PCDH15: variants seen among roughly 807,000 people sequenced by gnomAD.
PCDH15 encodes the protein protocadherin-15.
A neutral mutation model predicts 178.5 loss-of-function variants in PCDH15; 129 were observed. The ratio of observed to expected loss-of-function variants is 0.72; its 90% CI spans 0.63 to 0.84. The LOEUF is 0.84. Among genes scored for constraint, PCDH15 ranks in the 40% least tolerant of loss-of-function variants. The pLI, the probability that PCDH15 is intolerant of heterozygous loss-of-function variation, is 0.00. For missense variants in PCDH15, 2,230 were observed against 2,099.9 expected (o/e 1.06, Z -1.21); for synonymous variants, 800 against 732.0 (o/e 1.09, Z -1.50).
chr10:54,154,094 T>C (rs1295144216), intron 13 of PCDH15, among the ~76,000 whole-genome samples: 1 of 152,152 alleles, frequency 6.6e-6, no homozygotes, highest in East Asian at 1.9e-4. Flanking sequence ...TATGAAAAGA[T>C]AACAATGATT....
At chr10:54,051,906 G>A (rs2093783974) in intron 18 of PCDH15, among the ~76,000 whole-genome samples, 1 of 152,160 alleles carries the variant, frequency 6.6e-6, no homozygotes, top group African/African-American at 2.4e-5. Flanking sequence ...TTCAGCTCCA[G>A]CCGTGGCTAA....
intron 8 of PCDH15, among the ~76,000 whole-genome samples, chr10:54,280,288 T>A (rs1256447021): frequency 6.6e-6 from 1 of 151,278 alleles, no homozygotes; most frequent in African/African-American, 2.4e-5. Context: ...CTAGTTTTTT[T>A]TTTTTTTTCT....
chr10:55,586,114 AT>A (rs1842723403), intron 2 of PCDH15, among the ~76,000 whole-genome samples: 1 of 152,078 alleles, frequency 6.6e-6, no homozygotes, highest in Non-Finnish European at 1.5e-5. Context: ...AAAAAGGGTC[AT>A]TTCATTAAAT....
chr10:54,849,047 A>C (rs1304199243), intron 3 of PCDH15, among the ~76,000 whole-genome samples: 5 of 152,132 alleles, frequency 3.3e-5, no homozygotes, highest in African/African-American at 1.2e-4. Flanking sequence ...TTTAAAAAAA[A>C]TTACGTTGAA....
At chr10:54,830,411 A>G (rs980189163) in intron 3 of PCDH15, among the ~76,000 whole-genome samples, 2 of 152,212 alleles carry the variant, frequency 1.3e-5, no homozygotes, top group East Asian at 1.9e-4. Flanking sequence ...GCCATAAAAA[A>G]TGATGAGTTC....
chr10:54,344,424 T>C (rs2134131468), intron 6 of PCDH15, among the ~76,000 whole-genome samples: 1 of 152,238 alleles, frequency 6.6e-6, no homozygotes, highest in African/African-American at 2.4e-5. Context: ...ATTTAAGCCT[T>C]ATTAACTGTC....
intron 2 of PCDH15, among the ~76,000 whole-genome samples, chr10:55,533,209 A>G (rs1295348724): frequency 6.6e-6 from 1 of 152,046 alleles, no homozygotes; most frequent in African/African-American, 2.4e-5. Flanking sequence ...TTAGCATAGT[A>G]TTGGAATTCC....
intron 2 of PCDH15, among the ~76,000 whole-genome samples, chr10:55,097,833 G>A (rs1056524116): frequency 1.2e-4 from 19 of 152,186 alleles, no homozygotes; most frequent in African/African-American, 4.3e-4. Context: ...AGTTGAGAGG[G>A]AAACACTCTG....
At chr10:55,461,424 T>A (rs533767684) in intron 2 of PCDH15, among the ~76,000 whole-genome samples, 2 of 152,324 alleles carry the variant, frequency 1.3e-5, no homozygotes, top group East Asian at 3.9e-4. Flanking sequence ...TGTAATTCTT[T>A]AAATTATAAG....
chr10:55,269,587 T>G (rs970522128), intron 1 of PCDH15, among the ~76,000 whole-genome samples: 2 of 151,674 alleles, frequency 1.3e-5, no homozygotes, highest in Non-Finnish European at 2.9e-5. Flanking sequence ...AGGTGAAAGA[T>G]CTCTACAAGT....
chr10:54,442,418 A>T (rs1355211810), intron 3 of PCDH15, among the ~76,000 whole-genome samples: 16 of 35,974 alleles, frequency 4.4e-4, no homozygotes, highest in African/African-American at 2.2e-3. Flanking sequence ...TAAAGGCTAT[A>T]TATATATATA....
At chr10:54,980,668 T>C (rs894711900) in intron 2 of PCDH15, among the ~76,000 whole-genome samples, 20 of 152,116 alleles carry the variant, frequency 1.3e-4, no homozygotes, top group Admixed American at 9.2e-4. Context: ...GTCTTTTACT[T>C]TCTGAGTATT....
At chr10:54,665,665 A>C (rs2094559994) in intron 1 of PCDH15, among the ~76,000 whole-genome samples, 1 of 152,082 alleles carries the variant, frequency 6.6e-6, no homozygotes, top group Admixed American at 6.6e-5. Context: ...TGACTTTAAA[A>C]GATCACTGCT....
chr10:54,594,126 C>A (rs931572216), intron 2 of PCDH15, among the ~76,000 whole-genome samples: 1 of 152,104 alleles, frequency 6.6e-6, no homozygotes. Flanking sequence ...GAGCAACTCA[C>A]TCTCACCATG....
intron 13 of PCDH15, among the ~76,000 whole-genome samples, chr10:54,177,284 G>A (rs1590977369): frequency 6.6e-6 from 1 of 152,066 alleles, no homozygotes; most frequent in African/African-American, 2.4e-5. Context: ...GCAAGCAAGG[G>A]GGAGGGAAGC....
chr10:55,094,354 A>G (rs1003190262), intron 2 of PCDH15, among the ~76,000 whole-genome samples: 3 of 151,940 alleles, frequency 2.0e-5, no homozygotes, highest in African/African-American at 7.3e-5. Context: ...GAACACTTGG[A>G]CACAGGGTGG....
At chr10:54,569,436 G>A (rs2089492794) in intron 2 of PCDH15, among the ~76,000 whole-genome samples, 1 of 152,122 alleles carries the variant, frequency 6.6e-6, no homozygotes, top group Admixed American at 6.6e-5. Context: ...TGTCTTAGAT[G>A]TTTGTAAAAT....
At chr10:54,882,111 T>G (rs2131807099) in intron 3 of PCDH15, among the ~76,000 whole-genome samples, 1 of 152,188 alleles carries the variant, frequency 6.6e-6, no homozygotes, top group East Asian at 1.9e-4. Context: ...TGATAGTATT[T>G]TATTTTAGCA....
intron 3 of PCDH15, among the ~76,000 whole-genome samples, chr10:54,467,479 T>G (rs971127243): frequency 2.6e-5 from 4 of 151,986 alleles, no homozygotes; most frequent in African/African-American, 9.7e-5. Context: ...GAGCAATCTT[T>G]GCATCTGTGG....
Sources: allele counts gnomAD v4.1 joint callset (sites outside exome capture counted in the v4.1 genomes callset), GRCh38; gene constraint gnomAD v4.1.1; transcripts MANE v1.5; gene names NCBI Gene and HGNC (gene_info 2026-07-23, HGNC 2026-07-21).